RAB5C: variants seen among roughly 807,000 people sequenced by gnomAD.
RAB5C encodes ras-related protein Rab-5C.
RAB5C carries 4 observed loss-of-function variants against 25.2 expected under a neutral mutation model. The observed-to-expected ratio is 0.16, with a 90% CI of 0.08 to 0.36. RAB5C has a LOEUF of 0.36. Ranked by LOEUF, RAB5C falls within the 10% of genes least tolerant of loss-of-function variation. The pLI is 1.00. For missense variants in RAB5C, 199 were observed against 283.8 expected (o/e 0.70, Z 2.15); for synonymous variants, 100 against 106.4 (o/e 0.94, Z 0.37).
intron 2 of RAB5C, 151 bp from the exon 3 acceptor site, chr17:42,128,951 G>C (rs9889645): frequency 9.8e-6 from 7 of 716,148 alleles, no homozygotes; most frequent in African/African-American, 5.6e-5. Flanking sequence ...AGGCCTGAGT[G>C]GGGGGTGGAG....
Position 42,125,781 on chromosome 17 carries a change from G to A in RAB5C, c.*2C>T, listed in dbSNP as rs782376759. On this transcript the variant is annotated 3_prime_UTR_variant, in exon 6 of 6. Transcript: ENST00000346213. ...CGGGGGCAGCGGGCAGGCAAGGGGGGCTCAGTTGCTGCAGCACTGGCTCCG... is the reference window on the plus strand; with the variant it reads ...CGGGGGCAGCGGGCAGGCAAGGGGGACTCAGTTGCTGCAGCACTGGCTCCG... 7 of 1,595,420 alleles carry A rather than the reference G, an allele frequency of 4.4e-6. No homozygotes were observed. In the East Asian group the frequency reaches 6.8e-5, roughly 15 times the overall value.
intron 1 of RAB5C, among the ~76,000 whole-genome samples, chr17:42,152,143 T>C (rs1359211504): frequency 6.6e-6 from 1 of 151,742 alleles, no homozygotes; most frequent in Non-Finnish European, 1.5e-5. Context: ...AAAGTAATAA[T>C]AAAAATTAAA....
intron 1 of RAB5C, among the ~76,000 whole-genome samples, chr17:42,134,127 C>T (rs1284585227): frequency 6.6e-6 from 1 of 152,110 alleles, no homozygotes; most frequent in African/African-American, 2.4e-5. Flanking sequence ...ATGAGGGTGT[C>T]TAAGCCAGGG....
At chr17:42,127,164 A>C (rs1406776135) in intron 4 of RAB5C, among the ~76,000 whole-genome samples, 2 of 152,260 alleles carry the variant, frequency 1.3e-5, no homozygotes, top group African/African-American at 2.4e-5. Context: ...ACATGTTTGC[A>C]CAAAAGCACA....
chr17:42,149,160 G>C (rs2079654943), intron 1 of RAB5C, among the ~76,000 whole-genome samples: 1 of 152,156 alleles, frequency 6.6e-6, no homozygotes, highest in African/African-American at 2.4e-5. Flanking sequence ...GCACATCCTA[G>C]TTTATAAATT....
Position 42,130,572 on chromosome 17 carries a change from T to TG in RAB5C, c.-71dup. ...TGGTGCTATGCAAAGAGGCACTTAG[T>TG]GGGGAGGGGGACCTCCAACTGTAAG... On this transcript the variant is annotated 5_prime_UTR_variant, in exon 2 of 6. Coordinates refer to ENST00000346213, the MANE Select transcript of RAB5C (RefSeq NM_004583.4). The TG allele has an allele frequency of 6.3e-7, 1 of 1,590,530 alleles. No individual in the cohort carries two copies. The highest frequency in any genetic ancestry group is 2.3e-5 in the East Asian group (1 of 44,268).
chr17:42,140,007 G>A (rs749449883), intron 1 of RAB5C, among the ~76,000 whole-genome samples: 8 of 152,096 alleles, frequency 5.3e-5, no homozygotes, highest in Admixed American at 2.6e-4. Context: ...ATTTCTCACC[G>A]GAATCTCATC....
intron 1 of RAB5C, among the ~76,000 whole-genome samples, chr17:42,131,211 T>A (rs2054482340): frequency 6.6e-6 from 1 of 152,188 alleles, no homozygotes; most frequent in Admixed American, 6.5e-5. Flanking sequence ...TGACCGACTT[T>A]CAGTCTAGGG....
At chr17:42,127,446 G>GTGA (rs899544792) in intron 4 of RAB5C, among the ~76,000 whole-genome samples, 4 of 152,158 alleles carry the variant, frequency 2.6e-5, no homozygotes, top group African/African-American at 9.7e-5. Context: ...TAGAAGGCTA[G>GTGA]TGATCCATAT....
At chr17:42,150,426 C>T (rs967467143) in intron 1 of RAB5C, among the ~76,000 whole-genome samples, 1 of 150,792 alleles carries the variant, frequency 6.6e-6, no homozygotes, top group Non-Finnish European at 1.5e-5. Flanking sequence ...CGCCTATAAT[C>T]CCAGCTACTC....
intron 3 of RAB5C, 59 bp from the exon 4 acceptor site, chr17:42,128,442 C>A (rs2054450894): frequency 1.9e-6 from 3 of 1,547,006 alleles, no homozygotes; most frequent in Non-Finnish European, 2.6e-6. Context: ...CCAGGGCCAC[C>A]CATTAGAGAC....
intron 4 of RAB5C, 142 bp from the exon 5 acceptor site, chr17:42,126,990 A>C (rs555115650): frequency 2.0e-6 from 1 of 506,852 alleles, no homozygotes; most frequent in Admixed American, 3.3e-5. Context: ...TTTCAGGCCT[A>C]AGGCTGCCCT....
In RAB5C at chr17:42,130,552, C is replaced by T; in HGVS notation, c.-50G>A. ...GAGAGCGTGCGGGTGGGGACTGGTGCTATGCAAAGAGGCACTTAGTGGGGA... is the reference window on the plus strand; with the variant it reads ...GAGAGCGTGCGGGTGGGGACTGGTGTTATGCAAAGAGGCACTTAGTGGGGA... On this transcript the variant is annotated 5_prime_UTR_variant, in exon 2 of 6. Coordinates refer to ENST00000346213, the MANE Select transcript of RAB5C (RefSeq NM_004583.4). 6.2e-7 allele frequency: 1 copy of T among 1,606,116 alleles called. No individual in the cohort carries two copies. Among genetic ancestry groups the T allele is most frequent in the Non-Finnish European group, 8.5e-7 (1 of 1,175,966 alleles).
chr17:42,150,538 C>T (rs1177987107), intron 1 of RAB5C, among the ~76,000 whole-genome samples: 2 of 105,850 alleles, frequency 1.9e-5, no homozygotes, highest in Non-Finnish European at 3.6e-5. Flanking sequence ...GAGTGAAACT[C>T]CATCTCAAAA....
chr17:42,133,667 C>G (rs550240704), intron 1 of RAB5C, among the ~76,000 whole-genome samples: 5 of 152,330 alleles, frequency 3.3e-5, no homozygotes, highest in Admixed American at 6.5e-5. Context: ...TTCGGCACCA[C>G]AGATGTGACT....
intron 1 of RAB5C, among the ~76,000 whole-genome samples, chr17:42,146,997 CAAGAAAGAAAGA>C (rs758677956): frequency 2.2e-5 from 3 of 134,668 alleles, no homozygotes; most frequent in South Asian, 2.3e-4. Flanking sequence ...AAGACTTCGT[CAAGAAAGAAAGA>C]AAGAAAGACA....
intron 1 of RAB5C, among the ~76,000 whole-genome samples, chr17:42,133,067 G>C (rs937088396): frequency 2.6e-5 from 4 of 152,172 alleles, no homozygotes; most frequent in Non-Finnish European, 5.9e-5. Context: ...TCTAGCTCTA[G>C]CTGGCTCTAG....
At chr17:42,150,544 C>CAAAAAAAAAAAA (rs759878778) in intron 1 of RAB5C, among the ~76,000 whole-genome samples, 1 of 19,382 alleles carries the variant, frequency 5.2e-5, no homozygotes, top group African/African-American at 2.4e-4. Flanking sequence ...AACTCCATCT[C>CAAAAAAAAAAAA]AAAAAAAAAA....
At chr17:42,137,251 AGCGAAGATC>A (rs1199850367) in intron 1 of RAB5C, among the ~76,000 whole-genome samples, 1 of 151,662 alleles carries the variant, frequency 6.6e-6, no homozygotes, top group Non-Finnish European at 1.5e-5. Context: ...GGTTGTGGTG[AGCGAAGATC>A]GCACCATTGC....
Sources: gnomAD v4.1 joint callset for allele counts (sites outside exome capture counted in the v4.1 genomes callset) on GRCh38, gnomAD v4.1.1 for gene constraint, MANE v1.5 for transcripts, NCBI Gene and HGNC (gene_info 2026-07-23, HGNC 2026-07-21) for gene names.